ITGA9: variants seen among roughly 807,000 people sequenced by gnomAD.
The protein encoded by ITGA9 is integrin alpha-9.
Under a neutral mutation model 127.8 loss-of-function variants are expected in ITGA9, and 56 were observed. The ratio of observed to expected loss-of-function variants is 0.44; its 90% CI spans 0.35 to 0.55. ITGA9 has a LOEUF of 0.55. Among genes scored for constraint, ITGA9 ranks in the 20% least tolerant of loss-of-function variants. The probability of loss-of-function intolerance (pLI) is 0.00; values close to 1 mark genes in which losing one functional copy is unlikely to be tolerated. For missense variants in ITGA9, 1,196 were observed against 1,347.1 expected (o/e 0.89, Z 1.76); for synonymous variants, 508 against 514.5 (o/e 0.99, Z 0.17).
intron 1 of ITGA9, among the ~76,000 whole-genome samples, chr3:37,462,773 C>T (rs1579040535): frequency 6.6e-6 from 1 of 152,238 alleles, no homozygotes; most frequent in South Asian, 2.1e-4. Flanking sequence ...TCTACTCTTG[C>T]AAATCAGGCC....
chr3:37,516,741 C>T (rs1698987557), intron 9 of ITGA9, among the ~76,000 whole-genome samples: 1 of 152,208 alleles, frequency 6.6e-6, no homozygotes, highest in African/African-American at 2.4e-5. Flanking sequence ...TGCCTCTGCA[C>T]TGGGGAATGC....
At chr3:37,473,054 G>A (rs1245794854) in intron 2 of ITGA9, among the ~76,000 whole-genome samples, 1 of 145,328 alleles carries the variant, frequency 6.9e-6, no homozygotes, top group Non-Finnish European at 1.5e-5. Flanking sequence ...CAGGGCAATC[G>A]CTTGAACCTG....
At chr3:37,793,170 A>G (rs1239195731) in intron 26 of ITGA9, among the ~76,000 whole-genome samples, 1 of 151,884 alleles carries the variant, frequency 6.6e-6, no homozygotes, top group Non-Finnish European at 1.5e-5. Flanking sequence ...AATATGCTTC[A>G]GTTGACTCAG....
chr3:37,557,371 C>T (rs1347598523), intron 15 of ITGA9, among the ~76,000 whole-genome samples: 3 of 152,126 alleles, frequency 2.0e-5, no homozygotes, highest in Non-Finnish European at 2.9e-5. Context: ...GTAGTGAGTA[C>T]GCTGTGTGCG....
At chr3:37,570,637 T>G (rs1291679423) in intron 15 of ITGA9, among the ~76,000 whole-genome samples, 1 of 152,256 alleles carries the variant, frequency 6.6e-6, no homozygotes, top group Admixed American at 6.5e-5. Flanking sequence ...CATTTGCACC[T>G]TTCACCATTG....
At position 37,512,048 on chromosome 3, in the gene ITGA9, CTTTCTTTCTTTCT is replaced by C. The variant is rs1559524595; in HGVS notation, c.898-1712_898-1700del. On this transcript the variant is annotated intron_variant, in intron 8 of 27. Coordinates refer to ENST00000264741, the MANE Select transcript of ITGA9 (RefSeq NM_002207.3). The stretch of plus-strand genomic sequence containing the variant: ...CTTTTCTTTCTTTCTTTCTTTCTTT[CTTTCTTTCTTTCT>C]TTCTTTCTTTCTTTCCTTCCTTCCT... Among the ~76,000 whole-genome samples the C allele has an allele frequency of 4.4e-4, 17 of 39,008 alleles. 2 individuals carry two copies. The highest frequency in any genetic ancestry group is 9.2e-4 in the Non-Finnish European group (16 of 17,462). 25.6% of individuals were successfully genotyped at this position (39,008 alleles called of 152,430 possible).
Position 37,654,502 on chromosome 3 carries a change from C to G in ITGA9, c.1916+712C>G, listed in dbSNP as rs560238837. Among the ~76,000 whole-genome samples, 38 of 152,264 alleles carry G rather than the reference C, an allele frequency of 2.5e-4. 1 individual carries two copies. In the East Asian group the frequency reaches 6.4e-3, roughly 25 times the overall value. On this transcript the variant is annotated intron_variant, in intron 17 of 27. Coordinates refer to ENST00000264741, the MANE Select transcript of ITGA9 (RefSeq NM_002207.3). ...GAATGGCTTCCTTTTGAAACAGTTC[C>G]TTCTGAAAGACTGTTTTAGCCTTGG... is the stretch of plus-strand genomic sequence containing the variant.
At chr3:37,809,665 C>CT (rs1235669983) in intron 27 of ITGA9, among the ~76,000 whole-genome samples, 3 of 151,866 alleles carry the variant, frequency 2.0e-5, no homozygotes, top group Admixed American at 2.0e-4. Flanking sequence ...ACTTTTGAGA[C>CT]TTATAAAGTC....
At chr3:37,748,547 A>G in intron 22 of ITGA9, 1 of 461,520 alleles carries the variant, frequency 2.2e-6, no homozygotes, top group Non-Finnish European at 3.9e-6. Flanking sequence ...CAGGAGTTTG[A>G]GACCAACCTG....
chr3:37,461,961 T>A (rs1445599607), intron 1 of ITGA9, among the ~76,000 whole-genome samples: 5 of 152,052 alleles, frequency 3.3e-5, no homozygotes, highest in South Asian at 2.1e-4. Flanking sequence ...GATACTTTTT[T>A]AAAAAGTAAA....
intron 3 of ITGA9, among the ~76,000 whole-genome samples, chr3:37,476,131 G>A (rs578147031): frequency 3.9e-5 from 6 of 152,284 alleles, no homozygotes; most frequent in East Asian, 1.9e-4. Context: ...CCTGGCTGCC[G>A]TGATGAATGC....
intron 17 of ITGA9, among the ~76,000 whole-genome samples, chr3:37,673,214 T>G (rs947861242): frequency 2.0e-5 from 3 of 152,200 alleles, no homozygotes; most frequent in Non-Finnish European, 4.4e-5. Context: ...TCGTTGCACT[T>G]TAGGCTTTCC....
At chr3:37,469,823 T>C (rs1339019810) in intron 1 of ITGA9, among the ~76,000 whole-genome samples, 1 of 152,164 alleles carries the variant, frequency 6.6e-6, no homozygotes, top group African/African-American at 2.4e-5. Context: ...TGAGACAGAG[T>C]CTCACTCTGT....
chr3:37,556,892 C>T (rs1239629364), intron 15 of ITGA9, among the ~76,000 whole-genome samples: 1 of 152,180 alleles, frequency 6.6e-6, no homozygotes, highest in Non-Finnish European at 1.5e-5. Flanking sequence ...TTTATGTGAC[C>T]TAGTGCAGCT....
At chr3:37,501,193 TAAAG>T (rs1698783767) in intron 5 of ITGA9, among the ~76,000 whole-genome samples, 1 of 152,080 alleles carries the variant, frequency 6.6e-6, no homozygotes, top group Non-Finnish European at 1.5e-5. Context: ...CTTTAGAAAA[TAAAG>T]GTAATCCAAA....
chr3:37,615,717 G>T lies in ITGA9; in HGVS notation c.1690-13470G>T, dbSNP rs1460339192. On this transcript the variant is annotated intron_variant, in intron 15 of 27. Coordinates refer to ENST00000264741, the MANE Select transcript of ITGA9 (RefSeq NM_002207.3). ...TGGGAGGGTGTATGTGTCGAGGAAT[G>T]TATCCATTTCTTCTAGATTTTCTAG... Among the ~76,000 whole-genome samples the T allele has an allele frequency of 1.1e-4, 16 of 152,104 alleles. No homozygotes were observed. The East Asian group carries it at 1.4e-3, about 13-fold the overall frequency.
chr3:37,548,180 C>G (rs1699345878), intron 15 of ITGA9, among the ~76,000 whole-genome samples: 1 of 152,100 alleles, frequency 6.6e-6, no homozygotes, highest in African/African-American at 2.4e-5. Flanking sequence ...AAGCATTAAA[C>G]TGAGTAAATG....
intron 22 of ITGA9, chr3:37,748,029 A>G: frequency 3.0e-6 from 1 of 338,672 alleles, no homozygotes; most frequent in Non-Finnish European, 5.7e-6. Flanking sequence ...TTGTTGTTGC[A>G]AAATTTTGGA....
chr3:37,591,561 G>A (rs1463171080), intron 15 of ITGA9, among the ~76,000 whole-genome samples: 2 of 152,166 alleles, frequency 1.3e-5, no homozygotes, highest in African/African-American at 4.8e-5. Context: ...TGGGGGGTTG[G>A]ATTCATAGAT....
Sources: gnomAD v4.1 joint callset for allele counts (sites outside exome capture counted in the v4.1 genomes callset) on GRCh38, gnomAD v4.1.1 for gene constraint, MANE v1.5 for transcripts, NCBI Gene and HGNC (gene_info 2026-07-23, HGNC 2026-07-21) for gene names.